DAB1: variants seen among roughly 807,000 people sequenced by gnomAD.
DAB1 encodes disabled homolog 1.
In DAB1, 15 loss-of-function variants were observed where a neutral mutation model predicts 64.6. The ratio of observed to expected loss-of-function variants is 0.23; its 90% CI spans 0.16 to 0.36. The LOEUF (loss-of-function observed/expected upper bound fraction) is 0.36, where lower values mean the gene tolerates loss of function less well. Ranked by LOEUF, DAB1 falls within the 10% of genes least tolerant of loss-of-function variation. The pLI is 1.00. For synonymous variants in DAB1, 235 were observed against 251.9 expected (o/e 0.93, Z 0.64); for missense variants, 596 against 706.7 (o/e 0.84, Z 1.78).
chr1:57,697,990 T>C (rs1445627728), intron 6 of DAB1, among the ~76,000 whole-genome samples: 1 of 152,150 alleles, frequency 6.6e-6, no homozygotes, highest in Non-Finnish European at 1.5e-5. Flanking sequence ...ATACAAGCTG[T>C]TCCTCAAAAC....
intron 5 of DAB1, among the ~76,000 whole-genome samples, chr1:57,962,420 A>G (rs577328446): frequency 5.3e-4 from 81 of 152,208 alleles, no homozygotes; most frequent in Admixed American, 4.5e-3. Context: ...AGCTTCATCA[A>G]CTAGGTACTG....
chr1:57,463,535 T>G (rs1013842293), intron 7 of DAB1, among the ~76,000 whole-genome samples: 3 of 152,000 alleles, frequency 2.0e-5, no homozygotes, highest in Non-Finnish European at 4.4e-5. Context: ...CTAGGATGAG[T>G]GTGCTTTTTA....
intron 5 of DAB1, among the ~76,000 whole-genome samples, chr1:57,905,991 A>G (rs1644545254): frequency 6.6e-6 from 1 of 152,192 alleles, no homozygotes; most frequent in South Asian, 2.1e-4. Context: ...CCTCAGTAAC[A>G]GCATCTCGAC....
At chr1:57,823,991 G>A (rs1482446500), downstream of DAB1, among the ~76,000 whole-genome samples, 2 of 152,148 alleles carry the variant, frequency 1.3e-5, no homozygotes, top group African/African-American at 4.8e-5. Flanking sequence ...CTTTTGAGAA[G>A]GATAGTAAGT....
chr1:57,257,404 C>T (rs1360955742), intron 2 of DAB1, among the ~76,000 whole-genome samples: 1 of 152,186 alleles, frequency 6.6e-6, no homozygotes, highest in Non-Finnish European at 1.5e-5. Context: ...CTAGCATTTT[C>T]TTTGTAAGTA....
chr1:58,096,418 T>C (rs539016587), intron 5 of DAB1, among the ~76,000 whole-genome samples: 12 of 152,260 alleles, frequency 7.9e-5, no homozygotes, highest in African/African-American at 2.9e-4. Context: ...GAGGGTGAGA[T>C]TCAATGCATA....
intron 6 of DAB1, among the ~76,000 whole-genome samples, chr1:57,747,112 T>C (rs747785812): frequency 1.3e-5 from 2 of 152,238 alleles, no homozygotes; most frequent in Non-Finnish European, 2.9e-5. Context: ...AATTTCTCCA[T>C]GACCCATTTG....
At chr1:57,015,559 G>A in intron 11 of DAB1, 128 bp from the exon 12 acceptor site, 1 of 818,658 alleles carries the variant, frequency 1.2e-6, no homozygotes, top group Non-Finnish European at 1.9e-6. Flanking sequence ...CCAGGGACTG[G>A]GGATGCCAAG....
In DAB1 at chr1:57,414,979, A is replaced by T. The variant is rs898417118; in HGVS notation, c.-137+8951T>A. On this transcript the variant is annotated intron_variant, in intron 1 of 14. Coordinates refer to ENST00000371236, the MANE Select transcript of DAB1 (RefSeq NM_001365792.1). ...GATAAAACTCAAATCAAATCTCAAC[A>T]GTATTCTTGTGAAACCTTGAAAGAT... Among the ~76,000 whole-genome samples the T allele has an allele frequency of 4.6e-5, 7 of 152,294 alleles. No homozygotes were observed. In the South Asian group the frequency reaches 1.5e-3, roughly 32 times the overall value.
intron 2 of DAB1, among the ~76,000 whole-genome samples, chr1:57,251,155 T>C (rs1435711030): frequency 6.6e-6 from 1 of 152,248 alleles, no homozygotes; most frequent in Non-Finnish European, 1.5e-5. Flanking sequence ...CCACCAGAAA[T>C]GCTACCAGAT....
chr1:57,356,098 T>C (rs1214401979), intron 1 of DAB1, among the ~76,000 whole-genome samples: 1 of 152,122 alleles, frequency 6.6e-6, no homozygotes, highest in Admixed American at 6.6e-5. Flanking sequence ...GATTTGGAGT[T>C]TGTTCAGTGC....
intron 5 of DAB1, among the ~76,000 whole-genome samples, chr1:57,913,337 A>G (rs1007112532): frequency 7.9e-5 from 12 of 152,240 alleles, no homozygotes; most frequent in African/African-American, 2.2e-4. Flanking sequence ...AAAACAAGAA[A>G]TGGGGAAAGG....
At chr1:57,893,993 G>C (rs534740162) in intron 5 of DAB1, among the ~76,000 whole-genome samples, 18 of 152,232 alleles carry the variant, frequency 1.2e-4, no homozygotes, top group African/African-American at 4.1e-4. Context: ...AACTGAGCAT[G>C]CATACAACTC....
chr1:57,902,127 A>C (rs560457865), intron 5 of DAB1, among the ~76,000 whole-genome samples: 2 of 150,068 alleles, frequency 1.3e-5, no homozygotes, highest in African/African-American at 4.9e-5. Flanking sequence ...ACTGGTCTCC[A>C]GCCTGATCGA....
chr1:57,435,823 A>G (rs1448532347), intron 7 of DAB1, among the ~76,000 whole-genome samples: 2 of 152,154 alleles, frequency 1.3e-5, no homozygotes, highest in Non-Finnish European at 2.9e-5. Context: ...TCAGAGTATA[A>G]TAAATATATA....
chr1:57,821,792 G>A (rs1178340972), downstream of DAB1, among the ~76,000 whole-genome samples: 4 of 151,980 alleles, frequency 2.6e-5, no homozygotes, highest in Admixed American at 6.6e-5. Flanking sequence ...CAAAATCATC[G>A]TCACCTTCTT....
At chr1:57,888,116 A>G (rs1049369534), upstream of DAB1, among the ~76,000 whole-genome samples, 2 of 152,182 alleles carry the variant, frequency 1.3e-5, no homozygotes, top group Non-Finnish European at 2.9e-5. Flanking sequence ...CCCGACCACG[A>G]CATTGGATGA....
At chr1:57,106,402 T>C (rs1655161742) in intron 4 of DAB1, among the ~76,000 whole-genome samples, 1 of 152,116 alleles carries the variant, frequency 6.6e-6, no homozygotes. Context: ...ATTTAAATGC[T>C]TCATCACAGA....
intron 6 of DAB1, among the ~76,000 whole-genome samples, chr1:57,774,900 GT>G (rs1328391454): frequency 1.3e-5 from 2 of 151,580 alleles, no homozygotes; most frequent in African/African-American, 4.8e-5. Context: ...TGTGTCTGAA[GT>G]TTTCTTTGGA....
Sources: gnomAD v4.1 joint callset for allele counts (sites outside exome capture counted in the v4.1 genomes callset) on GRCh38, gnomAD v4.1.1 for gene constraint, MANE v1.5 for transcripts, NCBI Gene and HGNC (gene_info 2026-07-23, HGNC 2026-07-21) for gene names.